The following CAP1 variants were observed in gnomAD, a reference collection of about 807,000 sequenced individuals.
The protein encoded by CAP1 is adenylyl cyclase-associated protein 1.
A neutral mutation model predicts 58.2 loss-of-function variants in CAP1; 11 were observed. The ratio of observed to expected loss-of-function variants is 0.19; its 90% CI spans 0.12 to 0.31. CAP1 has a LOEUF of 0.31. Among genes scored for constraint, CAP1 ranks in the 10% least tolerant of loss-of-function variants. The pLI is 1.00. For missense variants in CAP1, 423 were observed against 587.5 expected (o/e 0.72, Z 2.89); for synonymous variants, 183 against 213.8 (o/e 0.86, Z 1.26).
At position 40,070,506 on chromosome 1, in the gene CAP1, A is replaced by C; in HGVS notation, c.1194A>C (p.Lys398Asn). Residue 398 changes from lysine to asparagine, a missense_variant, in exon 11 of 13, where the codon AAA becomes AAC. Transcript: ENST00000372805. ...IVEIINSKDV[K>N]VQVMGKVPTI... ...AGATAATCAACAGTAAGGATGTCAAAGTTCAGGTAACTCGATATTTTGGCT... is the reference window on the plus strand; with the variant it reads ...AGATAATCAACAGTAAGGATGTCAACGTTCAGGTAACTCGATATTTTGGCT... The C allele has an allele frequency of 6.2e-7, 1 of 1,613,174 alleles. No individual in the cohort carries two copies. The highest frequency in any genetic ancestry group is 8.5e-7 in the Non-Finnish European group (1 of 1,179,132).
rs1487565699 is a variant in CAP1, at chr1:40,040,795, C to T, written c.-17C>T. 6.5e-6 allele frequency: 1 copy of T among 153,194 alleles called. No individual in the cohort carries two copies. Among genetic ancestry groups the T allele is most frequent in the African/African-American group, 2.4e-5 (1 of 41,480 alleles). The allele number at this position is 153,194 out of a possible 1,614,324, so 9.5% of individuals were successfully genotyped here. A position where few individuals can be genotyped will look rare whatever the true frequency, so the allele number is the denominator to read the frequency against. ...ATCGCAGTCCGGAGGTGAGGCGGAACTCTGAGGTGAGGGTGTGCAGCTTGG... is the reference window on the plus strand; with the variant it reads ...ATCGCAGTCCGGAGGTGAGGCGGAATTCTGAGGTGAGGGTGTGCAGCTTGG... On this transcript the variant is annotated 5_prime_UTR_variant, in exon 1 of 13. Transcript: ENST00000372805.
rs762079836 is a variant in CAP1, at chr1:40,071,467, T to C, written c.1362T>C (p.Pro454=). ...ATTTGCAGAATGAATTCCCAGTTCC[T>C]GAGCAGTTCAAGACCCTATGGAACG... The part of the protein sequence containing the change: ...EGGDFNEFPV[P]EQFKTLWNGQ... Residue 454 remains proline, a synonymous_variant, in exon 13 of 13, where the codon CCT becomes CCC. Transcript: ENST00000372805. The C allele has an allele frequency of 3.1e-6, 5 of 1,612,866 alleles. No individual in the cohort carries two copies. The highest frequency in any genetic ancestry group is 4.5e-5 in the East Asian group (2 of 44,892).
intron 6 of CAP1, among the ~76,000 whole-genome samples, chr1:40,065,561 C>T (rs949519362): frequency 6.6e-5 from 10 of 152,266 alleles, no homozygotes; most frequent in Admixed American, 2.0e-4. Context: ...TTGATATATC[C>T]CACCATTATC....
chr1:40,051,669 G>A (rs371352099), intron 1 of CAP1, among the ~76,000 whole-genome samples: 5 of 152,166 alleles, frequency 3.3e-5, no homozygotes, highest in East Asian at 3.9e-4. Context: ...TCCGCCTCCC[G>A]GGTTCATGCC....
chr1:40,049,166 T>C (rs1025465839), intron 1 of CAP1, among the ~76,000 whole-genome samples: 1 of 146,336 alleles, frequency 6.8e-6, no homozygotes, highest in African/African-American at 2.5e-5. Context: ...CAGGAATCAC[T>C]AGCCATTTCT....
At chr1:40,048,872 T>C (rs11207421) in intron 1 of CAP1, among the ~76,000 whole-genome samples, 21,592 of 152,140 alleles carry the variant, frequency 0.14, 1,841 homozygotes, top group African/African-American at 0.24. Context: ...AGCAAATCAA[T>C]TGGGCTACCA....
At chr1:40,064,895 A>T (rs1450263262) in intron 6 of CAP1, among the ~76,000 whole-genome samples, 1 of 152,122 alleles carries the variant, frequency 6.6e-6, no homozygotes, top group East Asian at 1.9e-4. Flanking sequence ...TAAAGGATAA[A>T]CCCATTTGGT....
chr1:40,051,197 A>G (rs1040307360), intron 1 of CAP1, among the ~76,000 whole-genome samples: 5 of 152,252 alleles, frequency 3.3e-5, no homozygotes, highest in Non-Finnish European at 7.3e-5. Context: ...AAAAATCTGC[A>G]AGAATAGGCT....
rs1459181801 is a variant in CAP1, at chr1:40,070,148, C to A, written c.994-11C>A. ...CTTTGTGATGAGAATCCTGGGATCT[C>A]TCTCTAACAGGAAAATCAGGAAAAT... On this transcript the variant is annotated splice_polypyrimidine_tract_variant and intron_variant, in intron 9 of 12. Coordinates refer to ENST00000372805, the MANE Select transcript of CAP1 (RefSeq NM_006367.4). 1 of 1,613,690 alleles carries A rather than the reference C, an allele frequency of 6.2e-7. No homozygotes were observed. The highest frequency in any genetic ancestry group is 8.5e-7 in the Non-Finnish European group (1 of 1,179,976).
chr1:40,063,506 A>T (rs1489733168), intron 4 of CAP1, among the ~76,000 whole-genome samples: 1 of 151,608 alleles, frequency 6.6e-6, no homozygotes, highest in Non-Finnish European at 1.5e-5. Flanking sequence ...GTAGAGACAA[A>T]GTTGTGCTGT....
intron 1 of CAP1, among the ~76,000 whole-genome samples, chr1:40,050,583 T>C (rs1334398795): frequency 6.6e-6 from 1 of 151,756 alleles, no homozygotes; most frequent in African/African-American, 2.4e-5. Flanking sequence ...CGCTTGAACC[T>C]GGAAGGTGGA....
chr1:40,067,429 T>A, intron 7 of CAP1, 111 bp from the exon 8 acceptor site: 1 of 903,096 alleles, frequency 1.1e-6, no homozygotes, highest in East Asian at 2.8e-5. Flanking sequence ...AATCATTGCC[T>A]CAAAGGCTGT....
intron 8 of CAP1, among the ~76,000 whole-genome samples, chr1:40,069,349 A>G (rs1386518241): frequency 1.3e-5 from 2 of 151,788 alleles, no homozygotes; most frequent in Non-Finnish European, 2.9e-5. Context: ...CCTTTTACCA[A>G]ATTTTCTTTA....
rs1647603524 is a variant in CAP1, at chr1:40,070,182, C to T, written c.1017C>T (p.Asn339=). 6.2e-7 allele frequency: 1 copy of T among 1,614,022 alleles called. No homozygotes were observed. Among genetic ancestry groups the T allele is most frequent in the Admixed American group, 1.7e-5 (1 of 60,002 alleles). The change falls in exon 10 of 13, where the codon AAC becomes AAT. Residue 339 remains asparagine, a synonymous_variant. Coordinates refer to ENST00000372805, the MANE Select transcript of CAP1 (RefSeq NM_006367.4). ...WRVENQENVS[N]LVIEDTELKQ... is the part of the protein sequence containing the mutation. ...AGGAAAATCAGGAAAATGTTTCCAA[C>T]CTGGTGATTGAGGACACAGAGCTGA...
In CAP1 at chr1:40,061,156, CT is replaced by C. The variant is rs34925764; in HGVS notation, c.217-566del. 2.9e-3 allele frequency among the ~76,000 whole-genome samples: 420 copies of C among 147,190 alleles called. 2 individuals carry two copies. The highest frequency in any genetic ancestry group is 8.1e-3 in the African/African-American group (326 of 40,332). Reference sequence around the variant, plus strand: ...TGATATTTATACTACTTCTGCTGTACTTTTTTTTTTTTTAACTTTTTATTTG... The same window carrying C: ...TGATATTTATACTACTTCTGCTGTACTTTTTTTTTTTTAACTTTTTATTTG... On this transcript the variant is annotated intron_variant, in intron 3 of 12. Coordinates refer to ENST00000372805, the MANE Select transcript of CAP1 (RefSeq NM_006367.4).
chr1:40,064,540 C>G lies in CAP1; in HGVS notation c.505C>G (p.Leu169Val), dbSNP rs1318164603. Residue 169 changes from leucine (L) to valine (V), a missense_variant, in exon 6 of 13, where the codon CTC becomes GTC. Leu to Val is a conservative substitution (Grantham distance 32, BLOSUM62 1). Coordinates refer to ENST00000372805, the MANE Select transcript of CAP1 (RefSeq NM_006367.4). Reference sequence around the variant, plus strand: ...CGCCATGTTTTATACAAACCGAGTCCTCAAAGAGTACAAAGATGTGTAAGT... The same window carrying G: ...CGCCATGTTTTATACAAACCGAGTCGTCAAAGAGTACAAAGATGTGTAAGT... ...DAAMFYTNRV[L>V]KEYKDVDKKH... 6.2e-7 allele frequency: 1 copy of G among 1,613,104 alleles called. No individual in the cohort carries two copies. Among genetic ancestry groups the G allele is most frequent in the Non-Finnish European group, 8.5e-7 (1 of 1,179,504 alleles).
At chr1:40,065,945 G>A (rs1179576676) in intron 6 of CAP1, among the ~76,000 whole-genome samples, 1 of 152,080 alleles carries the variant, frequency 6.6e-6, no homozygotes, top group Non-Finnish European at 1.5e-5. Flanking sequence ...AAAAAAAAAA[G>A]TTTTGGTACT....
chr1:40,045,697 A>G (rs1385687954), intron 1 of CAP1, among the ~76,000 whole-genome samples: 1 of 152,140 alleles, frequency 6.6e-6, no homozygotes, highest in African/African-American at 2.4e-5. Flanking sequence ...CTGGGACTAG[A>G]GGCACACACC....
chr1:40,049,502 C>T (rs898050836), intron 1 of CAP1, among the ~76,000 whole-genome samples: 2 of 152,020 alleles, frequency 1.3e-5, no homozygotes, highest in South Asian at 2.1e-4. Context: ...TGAGCCACTG[C>T]GCCAGGCCTG....
Sources: gnomAD v4.1 joint callset for allele counts (sites outside exome capture counted in the v4.1 genomes callset) on GRCh38, gnomAD v4.1.1 for gene constraint, MANE v1.5 for transcripts, NCBI Gene and HGNC (gene_info 2026-07-23, HGNC 2026-07-21) for gene names.